Variants in HSD17B12 observed in about 807,000 individuals in gnomAD.
HSD17B12 encodes very-long-chain 3-oxoacyl-CoA reductase.
Under a neutral mutation model 39.3 loss-of-function variants are expected in HSD17B12, and 32 were observed. That is an observed-to-expected ratio of 0.81 (90% CI 0.61 to 1.09). The LOEUF is 1.09. Ranked by LOEUF, HSD17B12 falls within the 50% of genes least tolerant of loss-of-function variation. The pLI is 0.00. For missense variants in HSD17B12, 342 were observed against 382.9 expected (o/e 0.89, Z 0.89); for synonymous variants, 150 against 146.7 (o/e 1.02, Z -0.16).
chr11:43,812,129 C>T (rs1951078969), intron 4 of HSD17B12, among the ~76,000 whole-genome samples: 1 of 152,074 alleles, frequency 6.6e-6, no homozygotes, highest in African/African-American at 2.4e-5. Flanking sequence ...TGTTGATGGA[C>T]ACTTAAGTCA....
intron 4 of HSD17B12, among the ~76,000 whole-genome samples, chr11:43,811,141 G>C (rs913432261): frequency 1.9e-4 from 29 of 152,292 alleles, no homozygotes; most frequent in Middle Eastern, 3.4e-3. Flanking sequence ...TCTGCCTGCT[G>C]TTAGGTTATT....
intron 3 of HSD17B12, among the ~76,000 whole-genome samples, chr11:43,784,292 C>G (rs1950794981): frequency 1.4e-5 from 2 of 145,096 alleles, no homozygotes. Context: ...TAGTTTAGGT[C>G]AGGGATTGAT....
Position 43,791,330 on chromosome 11 carries a change from G to A in HSD17B12, c.284-6990G>A, listed in dbSNP as rs182494658. 6.6e-3 allele frequency among the ~76,000 whole-genome samples: 1,011 copies of A among 152,224 alleles called. 19 individuals are homozygous for A. The highest frequency in any genetic ancestry group is 0.023 in the African/African-American group (944 of 41,536). On this transcript the variant is annotated intron_variant, in intron 3 of 10. Coordinates refer to ENST00000278353, the MANE Select transcript of HSD17B12 (RefSeq NM_016142.3). Reference sequence around the variant, plus strand: ...GCGGATCACCTGAGGTCAGGAGTTCGAGACCAGCCTGGCCAACGTGGCAAA... The same window carrying A: ...GCGGATCACCTGAGGTCAGGAGTTCAAGACCAGCCTGGCCAACGTGGCAAA...
the HSD17B12 span, among the ~76,000 whole-genome samples, chr11:43,654,036 C>T: frequency 2.4e-4 from 36 of 152,242 alleles, no homozygotes; most frequent in Admixed American, 1.8e-3. Flanking sequence ...TCCTATTTCT[C>T]CACATCCTCT....
chr11:43,579,136 A>G, the HSD17B12 span: 1 of 136,734 alleles, frequency 7.3e-6, no homozygotes, highest in Non-Finnish European at 1.6e-5. Flanking sequence ...TCCAATGAAA[A>G]CCGCTGCCAG....
intron 1 of HSD17B12, among the ~76,000 whole-genome samples, chr11:43,690,408 T>A (rs1260362126): frequency 2.6e-4 from 22 of 83,178 alleles, no homozygotes; most frequent in Admixed American, 7.7e-4. Flanking sequence ...ATATATATTT[T>A]TTTTTTTTTT....
At chr11:43,667,645 A>G in the HSD17B12 span, among the ~76,000 whole-genome samples, 1 of 152,204 alleles carries the variant, frequency 6.6e-6, no homozygotes, top group Admixed American at 6.5e-5. Flanking sequence ...CCCAAATCTA[A>G]ACACGAAATT....
intron 1 of HSD17B12, among the ~76,000 whole-genome samples, chr11:43,689,075 T>C (rs1949829131): frequency 6.6e-6 from 1 of 152,252 alleles, no homozygotes; most frequent in Admixed American, 6.5e-5. Flanking sequence ...CTAGTGCTAC[T>C]GCAGAAGAAT....
chr11:43,806,550 A>G (rs571237341), intron 4 of HSD17B12: 2 of 152,120 alleles, frequency 1.3e-5, no homozygotes, highest in Non-Finnish European at 2.9e-5. Context: ...AGCAATATGG[A>G]TGGAACTGGA....
the HSD17B12 span, among the ~76,000 whole-genome samples, chr11:43,621,521 C>A: frequency 6.6e-6 from 1 of 152,072 alleles, no homozygotes; most frequent in South Asian, 2.1e-4. Context: ...TCAAGACCAG[C>A]CTGGGCAACA....
chr11:43,820,602 C>G (rs1387709902), intron 6 of HSD17B12, among the ~76,000 whole-genome samples: 1 of 152,174 alleles, frequency 6.6e-6, no homozygotes, highest in Non-Finnish European at 1.5e-5. Flanking sequence ...GGAACTGGGG[C>G]ATGGATGTCT....
the HSD17B12 span, among the ~76,000 whole-genome samples, chr11:43,636,570 T>C: frequency 6.6e-6 from 1 of 152,138 alleles, no homozygotes; most frequent in Non-Finnish European, 1.5e-5. Flanking sequence ...TAGGATATAT[T>C]ACATCTGGGT....
chr11:43,734,140 G>T, intron 1 of HSD17B12: 1 of 1,509,096 alleles, frequency 6.6e-7, no homozygotes, highest in Non-Finnish European at 9.1e-7. Flanking sequence ...TCAAGTCAGT[G>T]GTGGCACGCT....
chr11:43,811,351 A>T (rs1951071698), intron 4 of HSD17B12, among the ~76,000 whole-genome samples: 1 of 152,190 alleles, frequency 6.6e-6, no homozygotes. Flanking sequence ...GGTGGAACTA[A>T]TAGTACAGGA....
chr11:43,745,616 C>T (rs1386871135), intron 1 of HSD17B12, among the ~76,000 whole-genome samples: 2 of 152,100 alleles, frequency 1.3e-5, no homozygotes, highest in African/African-American at 2.4e-5. Context: ...AGCTCCTAGG[C>T]TACAAACCTG....
the HSD17B12 span, among the ~76,000 whole-genome samples, chr11:43,577,719 A>G: frequency 6.6e-6 from 1 of 152,116 alleles, no homozygotes; most frequent in Non-Finnish European, 1.5e-5. Context: ...AGAAGCCCCA[A>G]GTGAGTTGGT....
chr11:43,718,795 C>G, intron 1 of HSD17B12: 2 of 958,038 alleles, frequency 2.1e-6, no homozygotes, highest in Admixed American at 3.5e-5. Flanking sequence ...AAAAGAAGAC[C>G]CGCACGTCAC....
chr11:43,643,946 T>A, the HSD17B12 span, among the ~76,000 whole-genome samples: 136 of 152,140 alleles, frequency 8.9e-4, no homozygotes, highest in Non-Finnish European at 1.6e-3. Flanking sequence ...CTATGAGGAG[T>A]GCTCTAGAGA....
intron 1 of HSD17B12, among the ~76,000 whole-genome samples, chr11:43,747,396 T>C (rs1950421517): frequency 6.6e-6 from 1 of 152,162 alleles, no homozygotes; most frequent in Non-Finnish European, 1.5e-5. Context: ...AAGGCTTTGA[T>C]GGAAGAGGGT....
Sources: gnomAD v4.1 joint callset for allele counts (sites outside exome capture counted in the v4.1 genomes callset) on GRCh38, gnomAD v4.1.1 for gene constraint, MANE v1.5 for transcripts, NCBI Gene and HGNC (gene_info 2026-07-23, HGNC 2026-07-21) for gene names.